NLGN1: variants seen among roughly 807,000 people sequenced by gnomAD.
NLGN1 encodes neuroligin 1, also known as neuroligin-1.
A neutral mutation model predicts 65.5 loss-of-function variants in NLGN1; 12 were observed. The observed-to-expected ratio is 0.18, with a 90% confidence interval of 0.12 to 0.30. The LOEUF (loss-of-function observed/expected upper bound fraction) is 0.30, where lower values mean the gene tolerates loss of function less well. NLGN1 is among the 10% of genes least tolerant of loss of function. NLGN1 has a pLI of 1.00. For synonymous variants in NLGN1, 350 were observed against 359.5 expected (o/e 0.97, Z 0.30); for missense variants, 750 against 1,007.1 (o/e 0.74, Z 3.46).
chr3:174,210,192 G>T (rs1435689940), intron 4 of NLGN1, among the ~76,000 whole-genome samples: 1 of 152,096 alleles, frequency 6.6e-6, no homozygotes, highest in Non-Finnish European at 1.5e-5. Flanking sequence ...ACAAGCATCA[G>T]TTTTTATTTG....
At chr3:174,030,105 A>G (rs1198750296) in intron 4 of NLGN1, among the ~76,000 whole-genome samples, 1 of 148,896 alleles carries the variant, frequency 6.7e-6, no homozygotes, top group Non-Finnish European at 1.5e-5. Context: ...AATCCTTATG[A>G]CCACTCTTTA....
At chr3:173,485,256 T>G (rs1727993397) in intron 2 of NLGN1, among the ~76,000 whole-genome samples, 1 of 151,620 alleles carries the variant, frequency 6.6e-6, no homozygotes, top group Admixed American at 6.6e-5. Flanking sequence ...CCACAACATG[T>G]GGGAATTATG....
intron 3 of NLGN1, among the ~76,000 whole-genome samples, chr3:173,741,474 A>G (rs1428135824): frequency 6.6e-6 from 1 of 151,982 alleles, no homozygotes; most frequent in East Asian, 1.9e-4. Context: ...GAGGTCTTCT[A>G]TATCAGCTTT....
chr3:174,001,328 T>G (rs987632066), intron 4 of NLGN1, among the ~76,000 whole-genome samples: 7 of 151,870 alleles, frequency 4.6e-5, no homozygotes, highest in Non-Finnish European at 1.0e-4. Context: ...AGAAACAGAT[T>G]TTTTTCTTTG....
chr3:173,609,597 C>A (rs552387771), intron 3 of NLGN1, among the ~76,000 whole-genome samples: 3 of 151,984 alleles, frequency 2.0e-5, no homozygotes. Flanking sequence ...AATGTTCTTC[C>A]TTTTTGCTTA....
At position 173,965,771 on chromosome 3, in the gene NLGN1, T is replaced by A. The variant is rs566319784; in HGVS notation, c.646+157939T>A. ...TTGAACACAAGTACTTATCTTTCTC[T>A]GAAATAAAGGTGCATTTGCCACACT... On this transcript the variant is annotated intron_variant, in intron 4 of 6. Transcript: ENST00000457714. Among the ~76,000 whole-genome samples, 6 of 152,154 alleles carry A rather than the reference T, an allele frequency of 3.9e-5. No homozygotes were observed. In the East Asian group the frequency reaches 9.7e-4, roughly 24 times the overall value.
At chr3:173,443,566 C>G (rs1719626698) in intron 2 of NLGN1, among the ~76,000 whole-genome samples, 2 of 151,992 alleles carry the variant, frequency 1.3e-5, no homozygotes, top group African/African-American at 4.8e-5. Flanking sequence ...AGGATGCACA[C>G]AGCACATTTT....
chr3:174,215,411 G>A (rs1737408168), intron 4 of NLGN1, among the ~76,000 whole-genome samples: 1 of 152,100 alleles, frequency 6.6e-6, no homozygotes, highest in Non-Finnish European at 1.5e-5. Context: ...CCTCAAAGCA[G>A]AAATATCTAT....
At chr3:173,702,154 G>C (rs578064010) in intron 3 of NLGN1, among the ~76,000 whole-genome samples, 388 of 149,414 alleles carry the variant, frequency 2.6e-3, no homozygotes, top group Non-Finnish European at 4.6e-3. Context: ...CAGGAGAATG[G>C]CGTGAACCCG....
intron 2 of NLGN1, among the ~76,000 whole-genome samples, chr3:173,464,443 T>TTC (rs1553858178): frequency 6.6e-6 from 1 of 151,474 alleles, no homozygotes; most frequent in Non-Finnish European, 1.5e-5. Flanking sequence ...CAATTTTTTT[T>TTC]TTTTTTTTGG....
chr3:173,771,227 C>T (rs972856645), intron 3 of NLGN1, among the ~76,000 whole-genome samples: 3 of 152,124 alleles, frequency 2.0e-5, no homozygotes, highest in African/African-American at 4.8e-5. Context: ...TATATGATAA[C>T]ATCTGTGAGC....
chr3:173,726,416 G>C (rs1771785905), intron 3 of NLGN1, among the ~76,000 whole-genome samples: 1 of 151,876 alleles, frequency 6.6e-6, no homozygotes, highest in Non-Finnish European at 1.5e-5. Context: ...GGCTGTACCA[G>C]TATCTTTCCA....
At chr3:174,274,458 TTTC>T (rs1261714802) in intron 4 of NLGN1, among the ~76,000 whole-genome samples, 1 of 151,788 alleles carries the variant, frequency 6.6e-6, no homozygotes, top group Non-Finnish European at 1.5e-5. Flanking sequence ...ATCATCTTTT[TTTC>T]AATTGCCTTT....
chr3:174,221,997 C>T (rs1577426851), intron 4 of NLGN1, among the ~76,000 whole-genome samples: 1 of 152,094 alleles, frequency 6.6e-6, no homozygotes, highest in African/African-American at 2.4e-5. Flanking sequence ...CTTAATTTCA[C>T]TAATATCTGA....
At chr3:173,516,616 C>G (rs904142963) in intron 2 of NLGN1, among the ~76,000 whole-genome samples, 1 of 152,068 alleles carries the variant, frequency 6.6e-6, no homozygotes, top group Admixed American at 6.6e-5. Flanking sequence ...ATTGCCCCCT[C>G]TAAAACCCTT....
At chr3:173,930,857 G>C (rs1290501419) in intron 4 of NLGN1, among the ~76,000 whole-genome samples, 1 of 152,124 alleles carries the variant, frequency 6.6e-6, no homozygotes, top group Admixed American at 6.6e-5. Context: ...AGTCAGGGTG[G>C]CCTGTTTAAA....
At chr3:173,935,385 A>C (rs1744859488) in intron 4 of NLGN1, among the ~76,000 whole-genome samples, 1 of 152,052 alleles carries the variant, frequency 6.6e-6, no homozygotes, top group Admixed American at 6.6e-5. Flanking sequence ...GAGAATTAAT[A>C]AAGTCTAATC....
chr3:173,876,910 T>G (rs2150901721), intron 4 of NLGN1, among the ~76,000 whole-genome samples: 1 of 152,172 alleles, frequency 6.6e-6, no homozygotes, highest in East Asian at 1.9e-4. Flanking sequence ...TGCAAAGAAT[T>G]AATACAGAAA....
At chr3:173,397,307 C>T (rs1716775940), upstream of NLGN1, among the ~76,000 whole-genome samples, 1 of 152,184 alleles carries the variant, frequency 6.6e-6, no homozygotes, top group South Asian at 2.1e-4. Context: ...GTACATGACA[C>T]TAAATTTCCT....
Sources: gnomAD v4.1 joint callset for allele counts (sites outside exome capture counted in the v4.1 genomes callset) on GRCh38, gnomAD v4.1.1 for gene constraint, MANE v1.5 for transcripts, NCBI Gene and HGNC (gene_info 2026-07-23, HGNC 2026-07-21) for gene names.